The following TGIF1 variants were observed in gnomAD, a reference collection of about 807,000 sequenced individuals.
The protein encoded by TGIF1 is TGFB induced factor homeobox 1.
Under a neutral mutation model 19.3 loss-of-function variants are expected in TGIF1, and 4 were observed. That is an observed-to-expected ratio of 0.21 (90% CI 0.10 to 0.47). The LOEUF (loss-of-function observed/expected upper bound fraction) is 0.47, where lower values mean the gene tolerates loss of function less well. Among genes scored for constraint, TGIF1 ranks in the 20% least tolerant of loss-of-function variants. TGIF1 has a pLI of 0.98. For synonymous variants in TGIF1, 122 were observed against 129.3 expected, an observed-to-expected ratio of 0.94 and a Z score of 0.38; for missense variants, 275 against 341.4, an observed-to-expected ratio of 0.81 and a Z score of 1.53.
chr18:3,452,428 G>A (rs1001679895), intron 1 of TGIF1: 2 of 1,612,442 alleles, frequency 1.2e-6, no homozygotes, highest in Non-Finnish European at 8.5e-7. Flanking sequence ...AGGGCTCTTT[G>A]GGGGAGCCGA....
Position 3,422,583 on chromosome 18 carries a change from C to T in TGIF1, c.-45+4368C>T, listed in dbSNP as rs146237789. The stretch of plus-strand genomic sequence containing the variant: ...TGTACAGTAATATTTTGTAGGCCTT[C>T]CCATTCACTCACCACTCACTCACCG... On this transcript the variant is annotated intron_variant, in intron 2 of 3. Coordinates refer to the TGIF1 transcript ENST00000401449. 2.6e-3 allele frequency among the ~76,000 whole-genome samples: 389 copies of T among 151,714 alleles called. 2 individuals are homozygous for T. Among genetic ancestry groups the T allele is most frequent in the African/African-American group, 9.0e-3 (372 of 41,488 alleles).
At chr18:3,432,123 C>CAAAAAAAAAAAAAA (rs751364681) in intron 2 of TGIF1, among the ~76,000 whole-genome samples, 1 of 98,026 alleles carries the variant, frequency 1.0e-5, no homozygotes, top group Non-Finnish European at 2.0e-5. Context: ...ACAAAACTGT[C>CAAAAAAAAAAAAAA]AAAAAAAAAA....
rs1408658985 is a variant in TGIF1, at chr18:3,458,939, A to G, written c.*999A>G. 2.6e-5 allele frequency: 4 copies of G among 152,340 alleles called. No homozygotes were observed. Among genetic ancestry groups the G allele is most frequent in the African/African-American group, 9.6e-5 (4 of 41,576 alleles). The allele number at this position is 152,340 out of a possible 1,614,324, so 9.4% of individuals were successfully genotyped here. A position where few individuals can be genotyped will look rare whatever the true frequency, so the allele number is the denominator to read the frequency against. On this transcript the variant is annotated 3_prime_UTR_variant, in exon 3 of 3. Transcript: ENST00000343820. ...AGTGTTTTCTAAAATGATGAAATAA[A>G]CGGTGGGGTTCTGTCTATGGTGGGA...
upstream of TGIF1, chr18:3,447,716 G>A (rs1342254908): frequency 1.9e-6 from 3 of 1,614,078 alleles, no homozygotes; most frequent in Admixed American, 3.3e-5. Context: ...GGAGTGCCTC[G>A]CCAGCTTTAA....
chr18:3,449,723 T>A (rs553712296), upstream of TGIF1: 5 of 985,380 alleles, frequency 5.1e-6, no homozygotes, highest in Non-Finnish European at 6.0e-6. Flanking sequence ...GGCTGTCTCG[T>A]GCGGCTAGAG....
chr18:3,452,726 C>A (rs980443255), intron 1 of TGIF1, among the ~76,000 whole-genome samples: 2 of 152,170 alleles, frequency 1.3e-5, no homozygotes, highest in African/African-American at 2.4e-5. Flanking sequence ...GGGGAGCCTT[C>A]CCCGTCGGCT....
chr18:3,422,187 C>T (rs1486570064), intron 2 of TGIF1, among the ~76,000 whole-genome samples: 4 of 71,950 alleles, frequency 5.6e-5, no homozygotes, highest in African/African-American at 3.3e-4. Context: ...GAGTGAGACA[C>T]CGTAAAAAAA....
At chr18:3,437,780 G>A (rs2082632817) in intron 2 of TGIF1, among the ~76,000 whole-genome samples, 1 of 152,120 alleles carries the variant, frequency 6.6e-6, no homozygotes, top group Non-Finnish European at 1.5e-5. Flanking sequence ...TGCATTTTGT[G>A]ATCAGACAAG....
rs527815859 is a variant in TGIF1 at position 3,435,945 on chromosome 18, C to T, written c.-45+17730C>T. ...GCATGATCATAGTTCATAACAGTCT[C>T]GAACTCCTGGGCTCAAACGATCTTC... On this transcript the variant is annotated intron_variant, in intron 2 of 3. Coordinates refer to the TGIF1 transcript ENST00000401449. Among the ~76,000 whole-genome samples the T allele has an allele frequency of 1.1e-4, 16 of 146,016 alleles. No homozygotes were observed. The South Asian group carries it at 1.1e-3, about 10-fold the overall frequency.
upstream of TGIF1, chr18:3,449,448 G>C (rs1049312590): frequency 8.1e-6 from 8 of 985,354 alleles, no homozygotes; most frequent in African/African-American, 1.4e-4. Context: ...TCCGCAACGT[G>C]TCAGATTTCG....
At chr18:3,429,381 G>C (rs1228942586) in intron 2 of TGIF1, among the ~76,000 whole-genome samples, 2 of 151,992 alleles carry the variant, frequency 1.3e-5, no homozygotes, top group Non-Finnish European at 2.9e-5. Context: ...AAACCGGAAA[G>C]GCAAACTACT....
At chr18:3,448,472 GC>G (rs1452405275), upstream of TGIF1, 2 of 989,920 alleles carry the variant, frequency 2.0e-6, no homozygotes, top group African/African-American at 3.5e-5. Flanking sequence ...TGTGCTCCCG[GC>G]AGTTGCAGGG....
rs1418730993 is a variant in TGIF1, at chr18:3,452,439, G to A, written c.16+1934G>A. 5.0e-6 allele frequency: 8 copies of A among 1,610,724 alleles called. No homozygotes were observed. In the African/African-American group the frequency reaches 8.0e-5, roughly 16 times the overall value. On this transcript the variant is annotated intron_variant, in intron 1 of 2. Transcript: ENST00000343820. ...GTTCAGGGCTCTTTGGGGGAGCCGAGGCTGCCGAGGTTACCCGGGTTTCTT... is the reference window on the plus strand; with the variant it reads ...GTTCAGGGCTCTTTGGGGGAGCCGAAGCTGCCGAGGTTACCCGGGTTTCTT...
Position 3,414,514 on chromosome 18 carries a change from C to G in TGIF1, c.-118+2260C>G, listed in dbSNP as rs576192326. On this transcript the variant is annotated intron_variant, in intron 1 of 3. Transcript: ENST00000401449. The stretch of plus-strand genomic sequence containing the variant: ...TCTAGCCCCAGTTGGGTTGGTGATC[C>G]TGTTTACCGTGAATCTAATCTTGTA... Among the ~76,000 whole-genome samples, 7 of 152,272 alleles carry G rather than the reference C, an allele frequency of 4.6e-5. No individual in the cohort carries two copies. In the East Asian group the frequency reaches 1.3e-3, roughly 29 times the overall value.
intron 1 of TGIF1, among the ~76,000 whole-genome samples, chr18:3,414,311 C>T (rs77185514): frequency 0.011 from 1,632 of 152,336 alleles, 31 homozygotes; most frequent in African/African-American, 0.036. Context: ...CTAACACTTA[C>T]TGTGAACCCA....
intron 2 of TGIF1, among the ~76,000 whole-genome samples, chr18:3,424,285 T>G (rs1280606743): frequency 6.6e-6 from 1 of 152,178 alleles, no homozygotes; most frequent in Non-Finnish European, 1.5e-5. Flanking sequence ...TGCCAAGATT[T>G]GAGGGAGGCA....
At chr18:3,445,714 ACT>A (rs1246784607), upstream of TGIF1, among the ~76,000 whole-genome samples, 1 of 115,516 alleles carries the variant, frequency 8.7e-6, no homozygotes, top group Non-Finnish European at 1.7e-5. Context: ...ACAGAGCAAG[ACT>A]CTGTCTCAAA....
chr18:3,412,953 G>T, intron 1 of TGIF1: 1 of 152,404 alleles, frequency 6.6e-6, no homozygotes, highest in South Asian at 2.1e-4. Flanking sequence ...AGGAGTTCAA[G>T]ACTGCAGTGA....
chr18:3,456,147 T>A lies in TGIF1; in HGVS notation c.17-207T>A, dbSNP rs2049345919. On this transcript the variant is annotated intron_variant, in intron 1 of 2. Transcript: ENST00000343820. The surrounding 1 kb of genome is among the most constrained non-coding windows in gnomAD (Gnocchi z 4.2). ...AGAGGAAAGCGGCTGAGAAAAGGCA[T>A]CTGGCATTTGGTTGAGAGCCTCCTA... is the stretch of plus-strand genomic sequence containing the variant. The A allele has an allele frequency of 3.1e-6, 2 of 648,786 alleles. No homozygotes were observed. Among genetic ancestry groups the A allele is most frequent in the Non-Finnish European group, 5.5e-6 (2 of 362,234 alleles). The allele number at this position is 648,786 out of a possible 1,614,324, so 40.2% of individuals were successfully genotyped here.
Sources: allele counts gnomAD v4.1 joint callset (sites outside exome capture counted in the v4.1 genomes callset), GRCh38; gene constraint gnomAD v4.1.1; non-coding constraint Gnocchi (gnomAD v3.1); transcripts MANE v1.5; gene names NCBI Gene and HGNC (gene_info 2026-07-23, HGNC 2026-07-21).